VSNL1: variants seen among roughly 807,000 people sequenced by gnomAD.
The protein encoded by VSNL1 is visinin like 1, also known as visinin-like protein 1.
A neutral mutation model predicts 20.4 loss-of-function variants in VSNL1; 6 were observed. The ratio of observed to expected loss-of-function variants is 0.29; its 90% CI spans 0.16 to 0.58. The LOEUF is 0.58. Among genes scored for constraint, VSNL1 ranks in the 20% least tolerant of loss-of-function variants. The pLI, the probability that VSNL1 is intolerant of heterozygous loss-of-function variation, is 0.90. For missense variants in VSNL1, 100 were observed against 234.5 expected (o/e 0.43, Z 3.75); for synonymous variants, 93 against 86.4 (o/e 1.08, Z -0.42).
intron 3 of VSNL1, among the ~76,000 whole-genome samples, chr2:17,654,368 A>G (rs80213628): frequency 0.019 from 2,866 of 152,308 alleles, 61 homozygotes; most frequent in African/African-American, 0.049. Flanking sequence ...AACTTCTTGC[A>G]GAGTTCAATT....
rs190316723 is a variant in VSNL1 at position 17,634,755 on chromosome 2, A to C, written c.163-14655A>C. On this transcript the variant is annotated intron_variant, in intron 2 of 3. Coordinates refer to ENST00000295156, the MANE Select transcript of VSNL1 (RefSeq NM_003385.5). This position sits in a 1 kb window ranked among gnomAD's most constrained non-coding sequence, Gnocchi z 4.3. Reference sequence around the variant, plus strand: ...CCAAAGAAGAGAAAATGGTTAGCTCATTCCCATAGTCACACAGTTCCATCC... The same window carrying C: ...CCAAAGAAGAGAAAATGGTTAGCTCCTTCCCATAGTCACACAGTTCCATCC... Among the ~76,000 whole-genome samples the C allele has an allele frequency of 1.3e-5, 2 of 152,280 alleles. No individual in the cohort carries two copies. Among genetic ancestry groups the C allele is most frequent in the South Asian group, 2.1e-4 (1 of 4,826 alleles).
intron 1 of VSNL1, among the ~76,000 whole-genome samples, chr2:17,559,878 C>A (rs1210993524): frequency 1.3e-5 from 2 of 151,780 alleles, no homozygotes; most frequent in Non-Finnish European, 2.9e-5. Flanking sequence ...AAAAAATAAA[C>A]ATCAGAAAAG....
At chr2:17,543,408 C>T (rs1427541486) in intron 1 of VSNL1, among the ~76,000 whole-genome samples, 1 of 152,224 alleles carries the variant, frequency 6.6e-6, no homozygotes, top group Non-Finnish European at 1.5e-5. Context: ...ACTTTTCTCC[C>T]CATCTGTCCT....
At chr2:17,640,433 G>A (rs868195420) in intron 2 of VSNL1, among the ~76,000 whole-genome samples, 1 of 152,112 alleles carries the variant, frequency 6.6e-6, no homozygotes, top group African/African-American at 2.4e-5. Flanking sequence ...TTCTCTACAT[G>A]ATGCATTTCC....
At chr2:17,572,033 T>C (rs1202574023) in intron 1 of VSNL1, among the ~76,000 whole-genome samples, 1 of 152,128 alleles carries the variant, frequency 6.6e-6, no homozygotes, top group Non-Finnish European at 1.5e-5. Flanking sequence ...GAGAGGGTAA[T>C]AAGAGATAAA....
chr2:17,618,076 C>T (rs1489979862), intron 2 of VSNL1, among the ~76,000 whole-genome samples: 2 of 152,110 alleles, frequency 1.3e-5, no homozygotes, highest in Non-Finnish European at 2.9e-5. Flanking sequence ...CAGCTCTTGT[C>T]CTGGTACCTG....
chr2:17,600,027 A>T (rs1188519497), intron 2 of VSNL1, among the ~76,000 whole-genome samples: 2 of 152,142 alleles, frequency 1.3e-5, no homozygotes, highest in African/African-American at 2.4e-5. Context: ...AAGCCAAAAG[A>T]GTCTCTTCCC....
chr2:17,582,880 A>G (rs16983667), intron 1 of VSNL1, among the ~76,000 whole-genome samples: 4,989 of 152,050 alleles, frequency 0.033, 86 homozygotes, highest in East Asian at 0.095. Context: ...TTTGGGAATC[A>G]TATGATAATA....
intron 1 of VSNL1, among the ~76,000 whole-genome samples, chr2:17,543,987 G>A (rs565361678): frequency 5.4e-4 from 82 of 152,160 alleles, no homozygotes; most frequent in African/African-American, 1.8e-3. Context: ...TAATCTCCCA[G>A]GCACTCAGAA....
At chr2:17,552,199 CAA>C (rs34120285) in intron 1 of VSNL1, among the ~76,000 whole-genome samples, 1 of 120,694 alleles carries the variant, frequency 8.3e-6, no homozygotes, top group Non-Finnish European at 1.7e-5. Context: ...GATTCCATCT[CAA>C]AAAAAAAAAA....
intron 2 of VSNL1, among the ~76,000 whole-genome samples, chr2:17,647,060 A>G (rs1466512510): frequency 6.6e-6 from 1 of 152,222 alleles, no homozygotes; most frequent in African/African-American, 2.4e-5. Context: ...GTTGGTTGTA[A>G]AAGTCAGTAT....
At chr2:17,580,848 T>C (rs994859657) in intron 1 of VSNL1, among the ~76,000 whole-genome samples, 7 of 152,208 alleles carry the variant, frequency 4.6e-5, no homozygotes, top group Non-Finnish European at 1.0e-4. Flanking sequence ...TTTGCTGAAA[T>C]AAAAACATTT....
intron 2 of VSNL1, among the ~76,000 whole-genome samples, chr2:17,632,682 C>T (rs922708852): frequency 5.9e-5 from 9 of 152,030 alleles, no homozygotes; most frequent in East Asian, 3.9e-4. Flanking sequence ...ATTTTTTCTT[C>T]GTAAATGTGT....
In VSNL1 at chr2:17,592,657, T is replaced by C. The variant is rs1335947858; in HGVS notation, c.162+421T>C. Among the ~76,000 whole-genome samples the C allele has an allele frequency of 2.7e-4, 32 of 118,758 alleles. 1 individual carries two copies. The highest frequency in any genetic ancestry group is 4.1e-3 in the Middle Eastern group (1 of 242). The allele number at this position is 118,758 out of a possible 152,430, so 77.9% of individuals were successfully genotyped here. A position where few individuals can be genotyped will look rare whatever the true frequency, so the allele number is the denominator to read the frequency against. ...CTCTCTCTCTTTTTTTTTTTTTTTTTTTTTTTTTTTTTTTTTTTTTTTACC... is the reference window on the plus strand; with the variant it reads ...CTCTCTCTCTTTTTTTTTTTTTTTTCTTTTTTTTTTTTTTTTTTTTTTACC... On this transcript the variant is annotated intron_variant, in intron 2 of 3. Coordinates refer to ENST00000295156, the MANE Select transcript of VSNL1 (RefSeq NM_003385.5).
intron 1 of VSNL1, among the ~76,000 whole-genome samples, chr2:17,573,502 A>G (rs62131536): frequency 0.033 from 5,018 of 152,292 alleles, 88 homozygotes; most frequent in East Asian, 0.097. Flanking sequence ...GAAATGGAGA[A>G]CAGAAGAGGA....
intron 2 of VSNL1, among the ~76,000 whole-genome samples, chr2:17,622,097 A>G (rs1264338564): frequency 6.6e-6 from 1 of 150,842 alleles, no homozygotes; most frequent in African/African-American, 2.4e-5. Context: ...TTCCTTTTCC[A>G]CTCATCTATC....
chr2:17,577,431 C>T (rs1236191265), intron 1 of VSNL1, among the ~76,000 whole-genome samples: 16 of 152,098 alleles, frequency 1.1e-4, no homozygotes, highest in Admixed American at 1.0e-3. Flanking sequence ...TCTATTTCCC[C>T]CTTGTTCTGA....
At chr2:17,552,205 A>C (rs1663558437) in intron 1 of VSNL1, among the ~76,000 whole-genome samples, 1 of 151,480 alleles carries the variant, frequency 6.6e-6, no homozygotes, top group African/African-American at 2.4e-5. Context: ...ATCTCAAAAA[A>C]AAAAAAACAA....
Position 17,649,340 on chromosome 2 carries a change from T to C in VSNL1, c.163-70T>C. On this transcript the variant is annotated intron_variant, in intron 2 of 3. Coordinates refer to ENST00000295156, the MANE Select transcript of VSNL1 (RefSeq NM_003385.5). The surrounding 1 kb of genome is among the most constrained non-coding windows in gnomAD (Gnocchi z 6.4). ...CCCAGGAGCACCTGTGATGCCGTCATTAGGAACCTACCTCGTCGCCCCGAT... is the reference window on the plus strand; with the variant it reads ...CCCAGGAGCACCTGTGATGCCGTCACTAGGAACCTACCTCGTCGCCCCGAT... 6.7e-7 allele frequency: 1 copy of C among 1,491,196 alleles called. No homozygotes were observed. The allele number at this position is 1,491,196 out of a possible 1,614,324, so 92.4% of individuals were successfully genotyped here.
Sources: gnomAD v4.1 joint callset for allele counts (sites outside exome capture counted in the v4.1 genomes callset) on GRCh38, gnomAD v4.1.1 for gene constraint, Gnocchi (gnomAD v3.1) non-coding constraint, MANE v1.5 for transcripts, NCBI Gene and HGNC (gene_info 2026-07-23, HGNC 2026-07-21) for gene names.